The following ADAM23 variants were observed in gnomAD, a reference collection of about 807,000 sequenced individuals.
ADAM23 encodes the protein disintegrin and metalloproteinase domain-containing protein 23.
ADAM23 carries 33 observed loss-of-function variants against 120.1 expected under a neutral mutation model. The ratio of observed to expected loss-of-function variants is 0.27; its 90% CI spans 0.21 to 0.37. The LOEUF is 0.37. Among genes scored for constraint, ADAM23 ranks in the 10% least tolerant of loss-of-function variants. The pLI is 1.00. For missense variants in ADAM23, 862 were observed against 1,058.2 expected (o/e 0.81, Z 2.57); for synonymous variants, 367 against 375.2 (o/e 0.98, Z 0.25).
chr2:206,601,749 G>C (rs555813682), intron 24 of ADAM23, among the ~76,000 whole-genome samples: 2 of 147,342 alleles, frequency 1.4e-5, no homozygotes, highest in Admixed American at 6.9e-5. Flanking sequence ...ACTCCAGCCT[G>C]AGCAAGAGAG....
chr2:206,478,752 A>C (rs1326848148), intron 2 of ADAM23, among the ~76,000 whole-genome samples: 1 of 152,218 alleles, frequency 6.6e-6, no homozygotes, highest in Non-Finnish European at 1.5e-5. Context: ...CATTTTTTAA[A>C]AAATTTAAAA....
chr2:206,515,696 A>G (rs552914520), intron 3 of ADAM23, among the ~76,000 whole-genome samples: 19 of 152,208 alleles, frequency 1.2e-4, no homozygotes, highest in Admixed American at 2.6e-4. Context: ...TACTGTTTTA[A>G]TATAAATGGA....
chr2:206,499,563 A>C (rs909092648), intron 3 of ADAM23, among the ~76,000 whole-genome samples: 1 of 151,884 alleles, frequency 6.6e-6, no homozygotes, highest in Non-Finnish European at 1.5e-5. Context: ...TGGGTGCAGC[A>C]AACCAACATG....
intron 18 of ADAM23, among the ~76,000 whole-genome samples, chr2:206,579,082 G>GT (rs1174083344): frequency 2.0e-5 from 3 of 151,608 alleles, no homozygotes; most frequent in African/African-American, 2.4e-5. Context: ...TGATGGGATT[G>GT]TTTTTTTTCT....
intron 13 of ADAM23, among the ~76,000 whole-genome samples, chr2:206,562,832 A>G (rs1332616164): frequency 1.3e-5 from 2 of 152,222 alleles, no homozygotes; most frequent in Non-Finnish European, 2.9e-5. Flanking sequence ...ATTCTCCTCT[A>G]GTGGCCCAGG....
At chr2:206,449,560 G>T (rs1397036726) in intron 2 of ADAM23, among the ~76,000 whole-genome samples, 1 of 152,190 alleles carries the variant, frequency 6.6e-6, no homozygotes, top group Non-Finnish European at 1.5e-5. Context: ...CTGAGGTCAG[G>T]AGTTTGAGAC....
intron 3 of ADAM23, among the ~76,000 whole-genome samples, chr2:206,523,331 A>T (rs985379655): frequency 6.6e-6 from 1 of 152,238 alleles, no homozygotes; most frequent in East Asian, 1.9e-4. Context: ...TCTATAACCT[A>T]TTCATGCTAG....
At chr2:206,474,012 AAAAAAAAAAAAAC>A (rs1695720977) in intron 2 of ADAM23, among the ~76,000 whole-genome samples, 2 of 135,592 alleles carry the variant, frequency 1.5e-5, no homozygotes. Flanking sequence ...ACCCTGTCTC[AAAAAAAAAAAAAC>A]AAAAAAAAAA....
At chr2:206,608,401 G>C (rs1009294367) in intron 24 of ADAM23, among the ~76,000 whole-genome samples, 3 of 152,104 alleles carry the variant, frequency 2.0e-5, no homozygotes, top group African/African-American at 7.2e-5. Flanking sequence ...CAAACTTCTA[G>C]AAGCCTGTTT....
At chr2:206,521,247 C>T (rs950957635) in intron 3 of ADAM23, among the ~76,000 whole-genome samples, 3 of 152,022 alleles carry the variant, frequency 2.0e-5, no homozygotes, top group Non-Finnish European at 2.9e-5. Flanking sequence ...TTGTCTTTAC[C>T]TACTCCCACC....
At chr2:206,554,361 A>G (rs1005911095) in intron 9 of ADAM23, among the ~76,000 whole-genome samples, 1 of 152,206 alleles carries the variant, frequency 6.6e-6, no homozygotes, top group Admixed American at 6.5e-5. Context: ...TAAGTTAAAA[A>G]TAAATATTAA....
At chr2:206,553,573 C>T (rs1697579524) in intron 9 of ADAM23, among the ~76,000 whole-genome samples, 3 of 152,144 alleles carry the variant, frequency 2.0e-5, no homozygotes, top group Admixed American at 1.3e-4. Context: ...GACAGAGTTA[C>T]ATTCTAATCC....
chr2:206,619,509 GC>G lies in ADAM23; in HGVS notation c.*1891del, dbSNP rs34125014. 0.69 allele frequency: 101,306 copies of G among 147,620 alleles called. 34,844 individuals carry two copies. The highest frequency in any genetic ancestry group is 0.72 in the Non-Finnish European group (48,180 of 66,916). 9.1% of individuals were successfully genotyped at this position (147,620 alleles called of 1,614,324 possible). On this transcript the variant is annotated 3_prime_UTR_variant, in exon 26 of 26. Transcript: ENST00000264377. ...CCCAAAGAGCCCCTACTTCTCTAAT[GC>G]CCCCCCCCTTTTTTTTTTAGGAAAA...
At chr2:206,526,002 A>G (rs1291371471) in intron 3 of ADAM23, among the ~76,000 whole-genome samples, 2 of 152,122 alleles carry the variant, frequency 1.3e-5, no homozygotes, top group African/African-American at 2.4e-5. Context: ...AACTTTTCCA[A>G]TTATTAGAAT....
chr2:206,443,996 T>A lies in ADAM23; in HGVS notation c.130T>A (p.Cys44Ser). 1 of 1,400,096 alleles carries A rather than the reference T, an allele frequency of 7.1e-7. No homozygotes were observed. Among genetic ancestry groups the A allele is most frequent in the Admixed American group, 2.6e-5 (1 of 39,172 alleles). 86.7% of individuals were successfully genotyped at this position (1,400,096 alleles called of 1,614,324 possible). Reference protein sequence around the residue: ...PASAPARTPPCRLLLVLLLLP... With the variant: ...PASAPARTPPSRLLLVLLLLP... ...CAGCGCCCCGGCCCGCACGCCGCCCTGCCGCCTGCTTCTCGTCCTTCTCCT... is the reference window on the plus strand; with the variant it reads ...CAGCGCCCCGGCCCGCACGCCGCCCAGCCGCCTGCTTCTCGTCCTTCTCCT... The change falls in exon 1 of 26, where the codon TGC (cysteine) becomes AGC (serine). Residue 44 changes from cysteine to serine, a missense_variant. Cys to Ser is a moderately radical substitution (Grantham distance 112). Transcript: ENST00000264377.
chr2:206,481,355 T>A, intron 3 of ADAM23, 47 bp downstream of exon 3: 1 of 1,413,874 alleles, frequency 7.1e-7, no homozygotes, highest in Non-Finnish European at 9.7e-7. Context: ...GCAATAAAGC[T>A]TTGTTTTTAT....
intron 3 of ADAM23, among the ~76,000 whole-genome samples, chr2:206,484,865 G>C (rs1230475291): frequency 6.6e-6 from 1 of 152,138 alleles, no homozygotes; most frequent in Non-Finnish European, 1.5e-5. Flanking sequence ...TGCTGTTCTT[G>C]TGATAATGAA....
At chr2:206,531,022 T>G (rs1697050627) in intron 4 of ADAM23, 74 bp downstream of exon 4, 1 of 1,189,776 alleles carries the variant, frequency 8.4e-7, no homozygotes. Context: ...CACACTGCGT[T>G]GTTTTGACGT....
chr2:206,509,171 A>G (rs1390049967), intron 3 of ADAM23, among the ~76,000 whole-genome samples: 6 of 152,226 alleles, frequency 3.9e-5, no homozygotes, highest in Non-Finnish European at 8.8e-5. Flanking sequence ...TAAAGAGATA[A>G]TGTTTTTGGA....
Sources: gnomAD v4.1 joint callset for allele counts (sites outside exome capture counted in the v4.1 genomes callset) on GRCh38, gnomAD v4.1.1 for gene constraint, MANE v1.5 for transcripts, NCBI Gene and HGNC (gene_info 2026-07-23, HGNC 2026-07-21) for gene names.